The following ZNF106 variants were observed in gnomAD, a reference collection of about 807,000 sequenced individuals.
The protein encoded by ZNF106 is SH3-domain binding protein 3.
A neutral mutation model predicts 195.1 loss-of-function variants in ZNF106; 67 were observed. The ratio of observed to expected loss-of-function variants is 0.34; its 90% confidence interval spans 0.28 to 0.42. ZNF106 has a LOEUF of 0.42. Among genes scored for constraint, ZNF106 ranks in the 10% least tolerant of loss-of-function variants. The pLI is 1.00. For missense variants in ZNF106, 2,118 were observed against 2,304.5 expected, an observed-to-expected ratio of 0.92 and a Z score of 1.66; for synonymous variants, 784 against 818.6, an observed-to-expected ratio of 0.96 and a Z score of 0.72.
Position 42,422,476 on chromosome 15 carries a change from G to A in ZNF106, c.5373+25C>T, listed in dbSNP as rs748282643. 5 of 1,608,082 alleles carry A rather than the reference G, an allele frequency of 3.1e-6. No homozygotes were observed. In the Admixed American group the frequency reaches 6.7e-5, roughly 22 times the overall value. On this transcript the variant is annotated intron_variant, in intron 18 of 21. Transcript: ENST00000564754. The stretch of plus-strand genomic sequence containing the variant: ...TAGACAATCTCCCCAAATCATTCAA[G>A]CAAAATACTGAATCTAAATTCTACC...
In ZNF106 at chr15:42,448,001, G is replaced by T. The variant is rs1016944904; in HGVS notation, c.3135+71C>A. On this transcript the variant is annotated intron_variant, in intron 6 of 21. Coordinates refer to ENST00000564754, the MANE Select transcript of ZNF106 (RefSeq NM_001366845.3). ...TCCCAGATACCCAAGAAAAACAGTT[G>T]AACCTTTTTTCATAAGCAACCAACT... The T allele has an allele frequency of 2.0e-6, 3 of 1,493,504 alleles. No individual in the cohort carries two copies. In the African/African-American group the frequency reaches 4.2e-5, roughly 21 times the overall value. 92.5% of individuals were successfully genotyped at this position (1,493,504 alleles called of 1,614,324 possible).
At chr15:42,435,951 GTTGT>G (rs1269643245) in intron 13 of ZNF106, among the ~76,000 whole-genome samples, 1 of 142,080 alleles carries the variant, frequency 7.0e-6, no homozygotes, top group Admixed American at 6.9e-5. Flanking sequence ...TGGTTCTGGT[GTTGT>G]TTCTTTTTTT....
At chr15:42,423,066 T>C (rs1024338007) in intron 17 of ZNF106, among the ~76,000 whole-genome samples, 7 of 152,008 alleles carry the variant, frequency 4.6e-5, no homozygotes, top group African/African-American at 1.7e-4. Flanking sequence ...GTTCATTTTT[T>C]TAAGAGATGG....
chr15:42,419,961 CA>C (rs1032392533), intron 20 of ZNF106, among the ~76,000 whole-genome samples: 3 of 152,028 alleles, frequency 2.0e-5, no homozygotes, highest in African/African-American at 7.2e-5. Flanking sequence ...AAAAACAAAA[CA>C]AAACAAAAAA....
chr15:42,476,065 A>G (rs1299104740), intron 1 of ZNF106, among the ~76,000 whole-genome samples: 1 of 152,138 alleles, frequency 6.6e-6, no homozygotes, highest in Non-Finnish European at 1.5e-5. Flanking sequence ...CTTTTAACCA[A>G]AGTCTCCCTC....
At chr15:42,461,994 TATATGTAACATG>T (rs995845203) in intron 3 of ZNF106, among the ~76,000 whole-genome samples, 7 of 152,202 alleles carry the variant, frequency 4.6e-5, no homozygotes, top group African/African-American at 1.7e-4. Context: ...TCTTCTCTCT[TATATGTAACATG>T]ATTTGTTACA....
At chr15:42,449,679 T>G in intron 5 of ZNF106, 92 bp downstream of exon 5, 1 of 1,486,130 alleles carries the variant, frequency 6.7e-7, no homozygotes, top group South Asian at 1.4e-5. Context: ...AACATTTAAT[T>G]AAATGAAACA....
intron 3 of ZNF106, among the ~76,000 whole-genome samples, 159 bp downstream of exon 3, chr15:42,465,894 C>G (rs929076850): frequency 6.6e-6 from 1 of 152,122 alleles, no homozygotes; most frequent in African/African-American, 2.4e-5. Flanking sequence ...CTTTTGAATG[C>G]CAAAAATCTA....
At position 42,417,181 on chromosome 15, in the gene ZNF106, G is replaced by GC. The variant is rs1485865660; in HGVS notation, c.*122dup. On this transcript the variant is annotated 3_prime_UTR_variant, in exon 22 of 22. Transcript: ENST00000564754. ...CTGCCCAGACTTATGCTAGGGGTAT[G>GC]CCTGGCTAGTAACCACTTTCTCCTT... 1.0e-6 allele frequency: 1 copy of GC among 982,008 alleles called. No individual in the cohort carries two copies. The highest frequency in any genetic ancestry group is 1.6e-5 in the African/African-American group (1 of 62,272). The allele number at this position is 982,008 out of a possible 1,614,324, so 60.8% of individuals were successfully genotyped here. A position where few individuals can be genotyped will look rare whatever the true frequency, so the allele number is the denominator to read the frequency against.
At chr15:42,473,422 T>C (rs890150715) in intron 1 of ZNF106, among the ~76,000 whole-genome samples, 3 of 152,220 alleles carry the variant, frequency 2.0e-5, no homozygotes, top group African/African-American at 7.2e-5. Context: ...TCCTCTATCA[T>C]TCTGGTGCAC....
intron 4 of ZNF106, among the ~76,000 whole-genome samples, chr15:42,454,503 C>T (rs185055852): frequency 7.3e-5 from 11 of 151,424 alleles, no homozygotes; most frequent in African/African-American, 2.7e-4. Flanking sequence ...AAGATAGGAG[C>T]ATTCAGCTAA....
chr15:42,486,352 T>G (rs2057016545), intron 1 of ZNF106, among the ~76,000 whole-genome samples: 3 of 151,854 alleles, frequency 2.0e-5, no homozygotes, highest in African/African-American at 7.3e-5. Context: ...TTTGAACTCC[T>G]GGGCTCAAGT....
chr15:42,420,936 G>A (rs2054629628), intron 20 of ZNF106, 125 bp downstream of exon 20: 6 of 839,366 alleles, frequency 7.1e-6, no homozygotes, highest in Non-Finnish European at 1.2e-5. Context: ...GTGATCTACA[G>A]TGTAAGGCAT....
chr15:42,439,443 G>A lies in ZNF106; in HGVS notation c.4134C>T (p.Leu1378=), dbSNP rs2141317117. The A allele has an allele frequency of 6.2e-7, 1 of 1,613,342 alleles. No individual in the cohort carries two copies. Residue 1378 remains leucine, a synonymous_variant, in exon 11 of 22, where the codon CTC becomes CTT. Transcript: ENST00000564754. ...CAGCCCGTAGACTTTTCTTCTTCCG[G>A]AGTTTCTTCTTTTTCTTGCTTCCCC... The part of the protein sequence containing the change: ...ETRGSKKKKK[L]RKKKSLRAAH...
intron 14 of ZNF106, among the ~76,000 whole-genome samples, chr15:42,432,034 A>G (rs555918052): frequency 6.6e-6 from 1 of 152,310 alleles, no homozygotes; most frequent in African/African-American, 2.4e-5. Context: ...TTTCAGTTCT[A>G]TCAGTTATTG....
rs771033304 is a variant in ZNF106, at chr15:42,424,053, T to C, written c.5198A>G (p.Asn1733Ser). Residue 1733 changes from asparagine (N) to serine (S), a missense_variant, in exon 17 of 22, where the codon AAT (asparagine) becomes AGT (serine). By Grantham distance (46) the Asn-to-Ser change is conservative. Coordinates refer to ENST00000564754, the MANE Select transcript of ZNF106 (RefSeq NM_001366845.3). The stretch of plus-strand genomic sequence containing the variant: ...ACTGGAGCCACTGAACACGAGATCA[T>C]TCACCACCTTAAAGAAAAAATTAAA... ...SKTILCMKVVNDLVFSGSSDQ... is the reference protein window; with the variant it reads ...SKTILCMKVVSDLVFSGSSDQ... 2.5e-6 allele frequency: 4 copies of C among 1,612,780 alleles called. No homozygotes were observed. The South Asian group carries it at 4.4e-5, about 18-fold the overall frequency.
chr15:42,465,989 A>T, intron 3 of ZNF106, 64 bp downstream of exon 3: 1 of 1,313,318 alleles, frequency 7.6e-7, no homozygotes, highest in Non-Finnish European at 1.0e-6. Flanking sequence ...ACAAACTGAC[A>T]GGCACCATCA....
At chr15:42,428,908 C>T (rs567545390) in intron 14 of ZNF106, among the ~76,000 whole-genome samples, 8 of 151,852 alleles carry the variant, frequency 5.3e-5, no homozygotes, top group South Asian at 2.1e-4. Flanking sequence ...GGACCACAGG[C>T]GCCCGCCACC....
At chr15:42,427,394 A>G (rs1290226428) in intron 15 of ZNF106, among the ~76,000 whole-genome samples, 2 of 152,232 alleles carry the variant, frequency 1.3e-5, no homozygotes, top group African/African-American at 4.8e-5. Context: ...GGCCTAGCAC[A>G]TAACAGATGC....
Sources: allele counts gnomAD v4.1 joint callset (sites outside exome capture counted in the v4.1 genomes callset), GRCh38; gene constraint gnomAD v4.1.1; transcripts MANE v1.5; gene names NCBI Gene and HGNC (gene_info 2026-07-23, HGNC 2026-07-21).